The following FAT3 variants were observed in gnomAD, a reference collection of about 807,000 sequenced individuals.
FAT3 encodes FAT atypical cadherin 3, also known as protocadherin Fat 3.
Under a neutral mutation model 310.2 loss-of-function variants are expected in FAT3, and 95 were observed. That is an observed-to-expected ratio of 0.31 (90% CI 0.26 to 0.36). The LOEUF is 0.36. Among genes scored for constraint, FAT3 ranks in the 10% least tolerant of loss-of-function variants. FAT3 has a pLI of 1.00. For missense variants in FAT3, 5,408 were observed against 5,715.6 expected (o/e 0.95, Z 1.74); for synonymous variants, 2,314 against 2,192.9 (o/e 1.06, Z -1.54).
At chr11:92,281,182 A>G (rs1207124665) in intron 1 of FAT3, among the ~76,000 whole-genome samples, 2 of 152,106 alleles carry the variant, frequency 1.3e-5, no homozygotes, top group African/African-American at 4.8e-5. Context: ...ATGAAACACA[A>G]ACACATGTAT....
chr11:92,493,704 A>T (rs1952671175), intron 2 of FAT3, among the ~76,000 whole-genome samples: 1 of 152,094 alleles, frequency 6.6e-6, no homozygotes. Context: ...TCTGCTCTGA[A>T]TCCTTTAGGA....
chr11:92,472,855 G>T lies in FAT3; in HGVS notation c.3293-51779G>T, dbSNP rs182565934. On this transcript the variant is annotated intron_variant, in intron 2 of 27. Coordinates refer to ENST00000525166, the MANE Select transcript of FAT3 (RefSeq NM_001367949.2). ...TTCAGCACTTAGCTTGGCAGAAGAG[G>T]CCTTTTATGATCTAAGCCCCCTCTG... Among the ~76,000 whole-genome samples, 66 of 152,270 alleles carry T rather than the reference G, an allele frequency of 4.3e-4. No individual in the cohort carries two copies. The East Asian group carries it at 0.011, about 26-fold the overall frequency.
intron 13 of FAT3, among the ~76,000 whole-genome samples, chr11:92,813,047 A>G (rs2136218597): frequency 6.6e-6 from 1 of 152,202 alleles, no homozygotes; most frequent in South Asian, 2.1e-4. Context: ...CATCATGTGA[A>G]AAAGGATGTG....
chr11:92,571,827 A>G (rs781704475), intron 3 of FAT3, among the ~76,000 whole-genome samples: 1 of 151,726 alleles, frequency 6.6e-6, no homozygotes, highest in Non-Finnish European at 1.5e-5. Flanking sequence ...TCTGCATTTG[A>G]TTTCTTTCTT....
At chr11:92,361,224 G>T (rs1300391331) in intron 2 of FAT3, among the ~76,000 whole-genome samples, 1 of 152,124 alleles carries the variant, frequency 6.6e-6, no homozygotes, top group African/African-American at 2.4e-5. Flanking sequence ...AAGAGGGCTG[G>T]TGCAAACTTG....
chr11:92,835,078 C>T lies in FAT3; in HGVS notation c.10080C>T (p.Val3360=). 1.9e-6 allele frequency: 3 copies of T among 1,611,742 alleles called. No homozygotes were observed. The highest frequency in any genetic ancestry group is 2.5e-6 in the Non-Finnish European group (3 of 1,179,242). The change falls in exon 15 of 28, where the codon GTC becomes GTT. Residue 3360 remains valine (V), a synonymous_variant. Transcript: ENST00000525166. ...ISEDALVGDS[V]ILLIAEDVDS... ...AAGACGCCTTGGTGGGAGACTCTGT[C>T]ATTTTGGTAGGTACCTGGGGTTGGG... is the stretch of plus-strand genomic sequence containing the variant.
chr11:92,609,766 C>G lies in FAT3; in HGVS notation c.3607+84818C>G, dbSNP rs186603752. Among the ~76,000 whole-genome samples the G allele has an allele frequency of 2.0e-3, 305 of 152,178 alleles. 4 individuals are homozygous for G. The highest frequency in any genetic ancestry group is 9.7e-3 in the Admixed American group (148 of 15,286). On this transcript the variant is annotated intron_variant, in intron 3 of 27. Coordinates refer to ENST00000525166, the MANE Select transcript of FAT3 (RefSeq NM_001367949.2). ...GTGTGTGTCTATGATTTAAGCATATCATTTCTTATTGATGTAGTTTCAGTT... is the reference window on the plus strand; with the variant it reads ...GTGTGTGTCTATGATTTAAGCATATGATTTCTTATTGATGTAGTTTCAGTT...
At chr11:92,438,778 A>G (rs1032020320) in intron 2 of FAT3, among the ~76,000 whole-genome samples, 5 of 152,302 alleles carry the variant, frequency 3.3e-5, no homozygotes, top group African/African-American at 1.2e-4. Flanking sequence ...TCTATTTACA[A>G]TGTTTTATCC....
At position 92,352,111 on chromosome 11, in the gene FAT3, T is replaced by A; in HGVS notation, c.-2T>A. 1 of 1,328,878 alleles carries A rather than the reference T, an allele frequency of 7.5e-7. No individual in the cohort carries two copies. The highest frequency in any genetic ancestry group is 1.0e-6 in the Non-Finnish European group (1 of 1,001,134). The allele number at this position is 1,328,878 out of a possible 1,614,324, so 82.3% of individuals were successfully genotyped here. ...TTCCCTCCAGGATGGAAGTATGATG[T>A]GATGGATATAATTATGGGACACTGT... On this transcript the variant is annotated 5_prime_UTR_variant, in exon 2 of 28. Transcript: ENST00000525166.
At chr11:92,412,746 A>ATACATATATATATATATAT (rs1591252852) in intron 2 of FAT3, among the ~76,000 whole-genome samples, 4 of 18,080 alleles carry the variant, frequency 2.2e-4, no homozygotes, top group Non-Finnish European at 4.3e-4. Context: ...TATATATATA[A>ATACATATATATATATATAT]ATATACATAC....
At chr11:92,663,095 A>C (rs1462691948) in intron 3 of FAT3, among the ~76,000 whole-genome samples, 3 of 152,280 alleles carry the variant, frequency 2.0e-5, no homozygotes, top group African/African-American at 4.8e-5. Flanking sequence ...AGGAAGCGGA[A>C]ATTTTTTAGA....
chr11:92,720,627 T>C (rs1417102921), intron 4 of FAT3, among the ~76,000 whole-genome samples: 1 of 152,222 alleles, frequency 6.6e-6, no homozygotes, highest in Admixed American at 6.5e-5. Flanking sequence ...CTAACACTTT[T>C]AGAAATGTGC....
At chr11:92,889,993 G>A (rs1949880115) in intron 27 of FAT3, 102 bp downstream of exon 27, 1 of 716,986 alleles carries the variant, frequency 1.4e-6, no homozygotes. Context: ...TCTGAATTTT[G>A]CATGTCTCAG....
At chr11:92,568,298 T>C (rs183182218) in intron 3 of FAT3, among the ~76,000 whole-genome samples, 1 of 152,294 alleles carries the variant, frequency 6.6e-6, no homozygotes, top group Admixed American at 6.5e-5. Flanking sequence ...TTAATATGCA[T>C]ATTAACATGG....
intron 1 of FAT3, among the ~76,000 whole-genome samples, chr11:92,324,865 T>C (rs1372879319): frequency 1.3e-5 from 2 of 152,214 alleles, no homozygotes; most frequent in Non-Finnish European, 2.9e-5. Context: ...GATACACTGA[T>C]GAAAAGACCA....
chr11:92,609,450 A>G (rs1455558471), intron 3 of FAT3, among the ~76,000 whole-genome samples: 3 of 152,346 alleles, frequency 2.0e-5, no homozygotes, highest in South Asian at 2.1e-4. Flanking sequence ...ATGTTAGCCT[A>G]TGTTTTAAAT....
At chr11:92,781,806 T>C (rs1946761564) in intron 7 of FAT3, among the ~76,000 whole-genome samples, 1 of 136,730 alleles carries the variant, frequency 7.3e-6, no homozygotes, top group African/African-American at 2.7e-5. Context: ...GAATCTGTGA[T>C]ATGCTAGACA....
intron 4 of FAT3, among the ~76,000 whole-genome samples, chr11:92,707,808 C>G (rs1944401359): frequency 6.6e-6 from 1 of 152,172 alleles, no homozygotes. Flanking sequence ...CACTGAAGCT[C>G]ATGCCTAATG....
chr11:92,589,693 C>T (rs1048931787), intron 3 of FAT3, among the ~76,000 whole-genome samples: 4 of 151,924 alleles, frequency 2.6e-5, no homozygotes, highest in African/African-American at 4.8e-5. Context: ...CCCCACACCC[C>T]GCCACCACAC....
Sources: gnomAD v4.1 joint callset for allele counts (sites outside exome capture counted in the v4.1 genomes callset) on GRCh38, gnomAD v4.1.1 for gene constraint, MANE v1.5 for transcripts, NCBI Gene and HGNC (gene_info 2026-07-23, HGNC 2026-07-21) for gene names.